Variants in SEC24B observed in about 807,000 individuals in gnomAD.
SEC24B encodes the protein SEC24 homolog B, COPII component.
In SEC24B, 45 loss-of-function variants were observed where a neutral mutation model predicts 142.8. That is an observed-to-expected ratio of 0.32 (90% CI 0.25 to 0.40). The LOEUF is 0.40. Among genes scored for constraint, SEC24B ranks in the 10% least tolerant of loss-of-function variants. The pLI is 1.00. For synonymous variants in SEC24B, 574 were observed against 568.2 expected, an observed-to-expected ratio of 1.01 and a Z score of -0.15; for missense variants, 1,409 against 1,526.8, an observed-to-expected ratio of 0.92 and a Z score of 1.29.
intron 4 of SEC24B, among the ~76,000 whole-genome samples, chr4:109,487,817 A>G (rs1734539053): frequency 6.6e-6 from 1 of 152,228 alleles, no homozygotes; most frequent in African/African-American, 2.4e-5. Flanking sequence ...AAGTGAATTT[A>G]AAGTAAACTA....
intron 4 of SEC24B, among the ~76,000 whole-genome samples, chr4:109,482,979 T>TATATATATATACACACACAC (rs781527364): frequency 1.9e-4 from 5 of 26,410 alleles, no homozygotes; most frequent in Non-Finnish European, 3.8e-4. Flanking sequence ...TATATATATA[T>TATATATATATACACACACAC]ACACACACAC....
At chr4:109,508,543 G>C (rs1243318479) in intron 7 of SEC24B, among the ~76,000 whole-genome samples, 2 of 151,882 alleles carry the variant, frequency 1.3e-5, no homozygotes, top group African/African-American at 4.8e-5. Context: ...CTCCAGCCTG[G>C]GTGACAGAGT....
intron 1 of SEC24B, among the ~76,000 whole-genome samples, chr4:109,460,939 T>G (rs1410864494): frequency 6.6e-6 from 1 of 151,804 alleles, no homozygotes; most frequent in Non-Finnish European, 1.5e-5. Context: ...CTAAGTATGA[T>G]TTAAAAATCT....
intron 1 of SEC24B, among the ~76,000 whole-genome samples, chr4:109,446,974 T>G (rs1258757421): frequency 1.3e-5 from 2 of 152,202 alleles, no homozygotes; most frequent in Admixed American, 6.5e-5. Flanking sequence ...AATTAGACAA[T>G]TACAGTTCCA....
In SEC24B at chr4:109,506,441, A is replaced by G; in HGVS notation, c.1602A>G (p.Leu534=). Residue 534 remains leucine (L), a synonymous_variant, in exon 7 of 24, where the codon TTA becomes TTG. Transcript: ENST00000265175. ...ACCTTACTCAGGAGAGGAATATTTT[A>G]CCTATGACTCCTGTTTGGGCTCCTG... is the stretch of plus-strand genomic sequence containing the variant. The part of the protein sequence containing the change: ...PVNLTQERNI[L]PMTPVWAPVP... 3.7e-6 allele frequency: 6 copies of G among 1,609,882 alleles called. No individual in the cohort carries two copies. Among genetic ancestry groups the G allele is most frequent in the Non-Finnish European group, 5.1e-6 (6 of 1,177,760 alleles).
chr4:109,453,198 G>A (rs1300032695), intron 1 of SEC24B, among the ~76,000 whole-genome samples: 2 of 152,158 alleles, frequency 1.3e-5, no homozygotes, highest in Non-Finnish European at 2.9e-5. Context: ...GAAGATCAGG[G>A]TGAGATCTCA....
chr4:109,513,733 G>T lies in SEC24B; in HGVS notation c.1904-14G>T. The stretch of plus-strand genomic sequence containing the variant: ...AATTGTGTCTCTAAATTTGTACTGG[G>T]ACCTCTTATCTAGTTCCTGAAGAAT... On this transcript the variant is annotated splice_polypyrimidine_tract_variant and intron_variant, in intron 9 of 23. Transcript: ENST00000265175. 1 of 1,455,680 alleles carries T rather than the reference G, an allele frequency of 6.9e-7. No homozygotes were observed. Among genetic ancestry groups the T allele is most frequent in the Non-Finnish European group, 9.6e-7 (1 of 1,036,274 alleles). The allele number at this position is 1,455,680 out of a possible 1,614,324, so 90.2% of individuals were successfully genotyped here.
intron 1 of SEC24B, among the ~76,000 whole-genome samples, chr4:109,437,717 TG>T (rs754951213): frequency 6.6e-6 from 1 of 152,190 alleles, no homozygotes; most frequent in Non-Finnish European, 1.5e-5. Flanking sequence ...CTCCACCTCC[TG>T]GGTTCAAGCG....
intron 13 of SEC24B, 99 bp from the exon 14 acceptor site, chr4:109,521,321 C>T: frequency 8.8e-7 from 1 of 1,137,996 alleles, no homozygotes; most frequent in Non-Finnish European, 1.3e-6. Flanking sequence ...TTTCCAGTCC[C>T]CAGAAATACA....
At chr4:109,463,969 G>T (rs1360103163) in intron 2 of SEC24B, among the ~76,000 whole-genome samples, 1 of 152,078 alleles carries the variant, frequency 6.6e-6, no homozygotes, top group Non-Finnish European at 1.5e-5. Context: ...AGGATATGTT[G>T]GCCACTATTT....
chr4:109,483,022 TTATATATGTATTTA>T lies in SEC24B; in HGVS notation c.1165+1257_1165+1270del, dbSNP rs201703487. Reference sequence around the variant, plus strand: ...CACACACATATTATACATATGTTTTTTATATATGTATTTATATATATGTATTTATGTATTTATAT... The same window carrying T: ...CACACACATATTATACATATGTTTTTTATATATGTATTTATGTATTTATAT... On this transcript the variant is annotated intron_variant, in intron 4 of 23. Coordinates refer to ENST00000265175, the MANE Select transcript of SEC24B (RefSeq NM_006323.5). Among the ~76,000 whole-genome samples the T allele has an allele frequency of 4.3e-3, 402 of 92,506 alleles. 5 individuals are homozygous for T. The highest frequency in any genetic ancestry group is 0.026 in the African/African-American group (377 of 14,676). 60.7% of individuals were successfully genotyped at this position (92,506 alleles called of 152,430 possible). A position where few individuals can be genotyped will look rare whatever the true frequency, so the allele number is the denominator to read the frequency against.
chr4:109,473,946 T>A (rs1732801568), intron 3 of SEC24B, among the ~76,000 whole-genome samples: 1 of 152,224 alleles, frequency 6.6e-6, no homozygotes, highest in Non-Finnish European at 1.5e-5. Context: ...CTGTACTCAC[T>A]ATGTAATGAC....
intron 1 of SEC24B, among the ~76,000 whole-genome samples, chr4:109,453,924 C>T (rs971239040): frequency 6.6e-6 from 1 of 152,178 alleles, no homozygotes; most frequent in Non-Finnish European, 1.5e-5. Context: ...ATGGCGTGAT[C>T]TCAGCTCACT....
chr4:109,471,225 C>A (rs957556669), intron 2 of SEC24B, among the ~76,000 whole-genome samples: 65 of 152,244 alleles, frequency 4.3e-4, no homozygotes, highest in African/African-American at 1.5e-3. Context: ...TCACTGCAAC[C>A]TCCTCCTCCT....
chr4:109,457,933 CT>C (rs897611536), intron 1 of SEC24B, among the ~76,000 whole-genome samples: 2 of 152,162 alleles, frequency 1.3e-5, no homozygotes, highest in Non-Finnish European at 2.9e-5. Context: ...AATAATCACA[CT>C]TTTCCATGTA....
At chr4:109,470,425 T>C (rs553515039) in intron 2 of SEC24B, among the ~76,000 whole-genome samples, 10 of 152,358 alleles carry the variant, frequency 6.6e-5, no homozygotes, top group African/African-American at 2.4e-4. Flanking sequence ...AAAGCACCAC[T>C]TCTTTTAGAT....
intron 6 of SEC24B, among the ~76,000 whole-genome samples, chr4:109,501,844 T>A (rs1398277614): frequency 6.6e-6 from 1 of 152,242 alleles, no homozygotes; most frequent in African/African-American, 2.4e-5. Context: ...GTGGCAGTAC[T>A]ATTCTAGGCA....
chr4:109,458,805 AGAT>A (rs943137338), intron 1 of SEC24B, among the ~76,000 whole-genome samples: 1 of 151,832 alleles, frequency 6.6e-6, no homozygotes, highest in Non-Finnish European at 1.5e-5. Context: ...GGGAAGATTA[AGAT>A]GATTTTTATT....
Position 109,539,812 on chromosome 4 carries a change from G to A in SEC24B, c.*137G>A, listed in dbSNP as rs1726000373. The A allele has an allele frequency of 5.0e-6, 3 of 604,758 alleles. No individual in the cohort carries two copies. The highest frequency in any genetic ancestry group is 8.7e-6 in the Non-Finnish European group (3 of 345,368). 37.5% of individuals were successfully genotyped at this position (604,758 alleles called of 1,614,324 possible). ...GCACAGCACTCTGTCTGAGGCTTTG[G>A]TAAAAAGTAAAGGGGAAGAAAGAAC... On this transcript the variant is annotated 3_prime_UTR_variant, in exon 24 of 24. Coordinates refer to ENST00000265175, the MANE Select transcript of SEC24B (RefSeq NM_006323.5).
Sources: gnomAD v4.1 joint callset for allele counts (sites outside exome capture counted in the v4.1 genomes callset) on GRCh38, gnomAD v4.1.1 for gene constraint, MANE v1.5 for transcripts, NCBI Gene and HGNC (gene_info 2026-07-23, HGNC 2026-07-21) for gene names.